PCNX2: variants seen among roughly 807,000 people sequenced by gnomAD.
PCNX2 encodes the protein pecanex 2, also known as pecanex-like protein 2.
PCNX2 carries 168 observed loss-of-function variants against 223.8 expected under a neutral mutation model. The observed-to-expected ratio is 0.75, with a 90% CI of 0.66 to 0.85. The LOEUF is 0.85. PCNX2 is among the 40% of genes least tolerant of loss of function. The probability of loss-of-function intolerance (pLI) is 0.00; values close to 1 mark genes in which losing one functional copy is unlikely to be tolerated. For missense variants in PCNX2, 2,507 were observed against 2,675.5 expected (o/e 0.94, Z 1.39); for synonymous variants, 1,006 against 1,052.6 (o/e 0.96, Z 0.86).
chr1:233,287,038 T>C (rs1661488083), intron 1 of PCNX2, among the ~76,000 whole-genome samples: 2 of 152,204 alleles, frequency 1.3e-5, no homozygotes, highest in South Asian at 4.1e-4. Flanking sequence ...GCGTTACCCA[T>C]ATTTTTATCT....
At chr1:233,087,553 A>T (rs1410535471) in intron 23 of PCNX2, among the ~76,000 whole-genome samples, 1 of 152,190 alleles carries the variant, frequency 6.6e-6, no homozygotes, top group South Asian at 2.1e-4. Context: ...ATTTGAAACT[A>T]AAAAAAAGTT....
intron 24 of PCNX2, among the ~76,000 whole-genome samples, chr1:233,056,647 C>T (rs1572053616): frequency 6.6e-6 from 1 of 152,034 alleles, no homozygotes; most frequent in Middle Eastern, 3.2e-3. Flanking sequence ...ACAATTGTTC[C>T]TAGACAGATT....
intron 28 of PCNX2, among the ~76,000 whole-genome samples, chr1:233,014,212 C>A (rs1397694585): frequency 6.6e-6 from 1 of 152,118 alleles, no homozygotes; most frequent in Non-Finnish European, 1.5e-5. Flanking sequence ...GAAGGGGCAT[C>A]CAATTCATCA....
At chr1:233,045,727 T>C (rs947780355) in intron 25 of PCNX2, among the ~76,000 whole-genome samples, 1 of 152,088 alleles carries the variant, frequency 6.6e-6, no homozygotes, top group Non-Finnish European at 1.5e-5. Context: ...AGAAGCAGGG[T>C]CATGTGGAAT....
intron 25 of PCNX2, chr1:233,032,033 C>A: frequency 1.0e-6 from 1 of 983,100 alleles, no homozygotes; most frequent in Non-Finnish European, 1.2e-6. Flanking sequence ...GCTTGCTGTA[C>A]ATTAATAATA....
intron 28 of PCNX2, among the ~76,000 whole-genome samples, chr1:233,007,175 G>A (rs948002253): frequency 6.6e-6 from 1 of 151,174 alleles, no homozygotes; most frequent in African/African-American, 2.4e-5. Flanking sequence ...CAGCACCTGC[G>A]AGTAGCCATT....
At chr1:233,124,896 G>A (rs887810858) in intron 21 of PCNX2, among the ~76,000 whole-genome samples, 35 of 152,220 alleles carry the variant, frequency 2.3e-4, no homozygotes, top group African/African-American at 8.2e-4. Flanking sequence ...TAAAGTGGTT[G>A]TGATTGTAGA....
intron 1 of PCNX2, among the ~76,000 whole-genome samples, chr1:233,294,404 G>A (rs966082606): frequency 6.6e-6 from 1 of 152,126 alleles, no homozygotes; most frequent in Non-Finnish European, 1.5e-5. Flanking sequence ...CCAGAGTTCT[G>A]ACCCTTTGGA....
intron 19 of PCNX2, among the ~76,000 whole-genome samples, chr1:233,151,298 C>A (rs886559990): frequency 1.3e-5 from 2 of 152,158 alleles, no homozygotes; most frequent in South Asian, 4.1e-4. Flanking sequence ...TTCCAACAGA[C>A]CTACTTTAGG....
Position 233,259,269 on chromosome 1 carries a change from G to A in PCNX2, c.593C>T (p.Pro198Leu). Residue 198 changes from proline to leucine, a missense_variant, in exon 5 of 34, where the codon CCT becomes CTT. Physicochemically the swap from Pro to Leu is moderately conservative, Grantham distance 98. Coordinates refer to ENST00000258229, the MANE Select transcript of PCNX2 (RefSeq NM_014801.4). ...TSPGIKVESL[P>L]ASQAHMLETT... Reference sequence around the variant, plus strand: ...TTCCAGCATGTGTGCTTGAGACGCAGGTAAGCTTTCCACTTTGATACCAGG... The same window carrying A: ...TTCCAGCATGTGTGCTTGAGACGCAAGTAAGCTTTCCACTTTGATACCAGG... The A allele has an allele frequency of 1.2e-6, 2 of 1,613,934 alleles. No homozygotes were observed. The highest frequency in any genetic ancestry group is 1.7e-6 in the Non-Finnish European group (2 of 1,179,872).
At chr1:233,256,979 A>G (rs1389418301) in intron 5 of PCNX2, among the ~76,000 whole-genome samples, 2 of 152,192 alleles carry the variant, frequency 1.3e-5, no homozygotes, top group African/African-American at 4.8e-5. Context: ...TTCAGTCAGC[A>G]TTCCTACCAT....
chr1:233,105,029 T>C (rs78827132), intron 21 of PCNX2, among the ~76,000 whole-genome samples: 168 of 152,280 alleles, frequency 1.1e-3, no homozygotes, highest in African/African-American at 3.4e-3. Flanking sequence ...GAGGAGAAGA[T>C]ATTGCCTTAA....
intron 25 of PCNX2, among the ~76,000 whole-genome samples, chr1:233,050,581 G>A (rs1160511204): frequency 6.6e-6 from 1 of 152,146 alleles, no homozygotes; most frequent in Non-Finnish European, 1.5e-5. Flanking sequence ...AAGCAATGGG[G>A]AAAGGGCTCC....
intron 7 of PCNX2, 47 bp downstream of exon 7, chr1:233,252,307 G>A (rs749953900): frequency 6.4e-7 from 1 of 1,564,164 alleles, no homozygotes; most frequent in East Asian, 2.3e-5. Flanking sequence ...TGAGAAAGCT[G>A]ACAGTTTTCC....
chr1:233,230,997 A>T (rs1325323168), intron 9 of PCNX2, among the ~76,000 whole-genome samples: 1 of 152,204 alleles, frequency 6.6e-6, no homozygotes, highest in African/African-American at 2.4e-5. Context: ...TGATATTAGT[A>T]ATTGCCACCA....
At chr1:233,244,252 T>C (rs889804678) in intron 8 of PCNX2, among the ~76,000 whole-genome samples, 1 of 152,214 alleles carries the variant, frequency 6.6e-6, no homozygotes, top group African/African-American at 2.4e-5. Flanking sequence ...AAAGTAAATA[T>C]CAGTGCTGGA....
the PCNX2 span, among the ~76,000 whole-genome samples, chr1:233,315,162 C>G: frequency 6.6e-6 from 1 of 152,128 alleles, no homozygotes; most frequent in African/African-American, 2.4e-5. Context: ...TCAAACAGAG[C>G]AGTCATAGCT....
At position 233,151,659 on chromosome 1, in the gene PCNX2, GTCTT is replaced by G. The variant is rs1677815446; in HGVS notation, c.3517+8620_3517+8623del. On this transcript the variant is annotated intron_variant, in intron 19 of 33. Coordinates refer to ENST00000258229, the MANE Select transcript of PCNX2 (RefSeq NM_014801.4). Reference sequence around the variant, plus strand: ...ACCATTGAGCTCTGTCCCAAGTCCTGTCTTTCTATCTTTTATTTATTTATTTATT... The same window carrying G: ...ACCATTGAGCTCTGTCCCAAGTCCTGTCTATCTTTTATTTATTTATTTATT... 3.9e-5 allele frequency among the ~76,000 whole-genome samples: 6 copies of G among 151,954 alleles called. No homozygotes were observed. In the South Asian group the frequency reaches 6.2e-4, roughly 16 times the overall value.
intron 24 of PCNX2, 99 bp from the exon 25 acceptor site, chr1:233,054,582 A>G: frequency 1.1e-6 from 1 of 946,952 alleles, no homozygotes; most frequent in South Asian, 1.6e-5. Context: ...GGGTAAAATC[A>G]GACTCTTTAT....
Sources: gnomAD v4.1 joint callset for allele counts (sites outside exome capture counted in the v4.1 genomes callset) on GRCh38, gnomAD v4.1.1 for gene constraint, MANE v1.5 for transcripts, NCBI Gene and HGNC (gene_info 2026-07-23, HGNC 2026-07-21) for gene names.